Variants in MDFIC observed in about 807,000 individuals in gnomAD.
MDFIC encodes the protein myoD family inhibitor domain-containing protein.
In MDFIC, 17 loss-of-function variants were observed where a neutral mutation model predicts 23.2. The observed-to-expected ratio is 0.73, with a 90% CI of 0.50 to 1.10. The LOEUF is 1.10. Among genes scored for constraint, MDFIC ranks in the 50% least tolerant of loss-of-function variants. The probability of loss-of-function intolerance (pLI) is 0.00; values close to 1 mark genes in which losing one functional copy is unlikely to be tolerated. For missense variants in MDFIC, 356 were observed against 316.6 expected, an observed-to-expected ratio of 1.12 and a Z score of -0.95; for synonymous variants, 120 against 115.2, an observed-to-expected ratio of 1.04 and a Z score of -0.27.
intron 4 of MDFIC, among the ~76,000 whole-genome samples, chr7:115,009,966 A>T (rs1195561225): frequency 6.6e-6 from 1 of 152,152 alleles, no homozygotes; most frequent in Non-Finnish European, 1.5e-5. Context: ...CCAGTTTTGG[A>T]CAGGCATCTT....
chr7:114,951,866 C>G (rs1316045843), intron 3 of MDFIC, among the ~76,000 whole-genome samples: 1 of 152,078 alleles, frequency 6.6e-6, no homozygotes, highest in South Asian at 2.1e-4. Flanking sequence ...GAGATAGAAC[C>G]AGCTACATGA....
Position 114,922,922 on chromosome 7 carries a change from G to C in MDFIC, c.-107-5G>C. The C allele has an allele frequency of 6.3e-7, 1 of 1,584,668 alleles. No homozygotes were observed. The highest frequency in any genetic ancestry group is 2.4e-5 in the East Asian group (1 of 42,204). ...TTTTTTTAATTTTGTATATTTTTCC[G>C]CCAGAAGCAGTCAGTTCCCTGCACC... On this transcript the variant is annotated splice_region_variant and splice_polypyrimidine_tract_variant and intron_variant, in intron 1 of 4. Transcript: ENST00000393486.
chr7:115,002,961 T>C (rs1028466515), intron 4 of MDFIC, among the ~76,000 whole-genome samples: 1 of 152,206 alleles, frequency 6.6e-6, no homozygotes, highest in Non-Finnish European at 1.5e-5. Flanking sequence ...TACAAATAGA[T>C]GTCTTGGAAA....
At chr7:114,951,743 A>G (rs901093993) in intron 3 of MDFIC, among the ~76,000 whole-genome samples, 1 of 152,200 alleles carries the variant, frequency 6.6e-6, no homozygotes, top group East Asian at 1.9e-4. Flanking sequence ...GATATGGCAA[A>G]ATATCAGGGT....
chr7:114,931,145 A>G (rs1792300997), intron 2 of MDFIC, among the ~76,000 whole-genome samples: 1 of 152,112 alleles, frequency 6.6e-6, no homozygotes, highest in South Asian at 2.1e-4. Flanking sequence ...TACTTTTTAC[A>G]TTAGCCTACA....
At chr7:115,015,621 T>C (rs1791779282) in intron 4 of MDFIC, 67 bp from the exon 5 acceptor site, 1 of 1,557,758 alleles carries the variant, frequency 6.4e-7, no homozygotes, top group African/African-American at 1.4e-5. Flanking sequence ...ATTGAGTCAA[T>C]TGATAACACG....
rs1793384426 is a variant in MDFIC at position 114,979,684 on chromosome 7, T to C, written c.396T>C (p.His132=). Residue 132 remains histidine (H), a synonymous_variant, in exon 4 of 5, where the codon CAT becomes CAC. Coordinates refer to ENST00000393486, the MANE Select transcript of MDFIC (RefSeq NM_001166345.3). ...CAGCACCTGTTTCTCAAAAAATGCATAGAAAAATTCAGTCCAGCTTGTCTG... is the reference window on the plus strand; with the variant it reads ...CAGCACCTGTTTCTCAAAAAATGCACAGAAAAATTCAGTCCAGCTTGTCTG... ...KLSAPVSQKM[H]RKIQSSLSVN... 1.2e-6 allele frequency: 2 copies of C among 1,613,914 alleles called. No individual in the cohort carries two copies. The highest frequency in any genetic ancestry group is 1.1e-5 in the South Asian group (1 of 91,086).
intron 3 of MDFIC, among the ~76,000 whole-genome samples, chr7:114,951,807 TTCAGGTTA>T (rs1392802840): frequency 6.6e-6 from 1 of 152,194 alleles, no homozygotes; most frequent in East Asian, 1.9e-4. Flanking sequence ...TAGAAGATAC[TTCAGGTTA>T]TAGGTGGACC....
intron 4 of MDFIC, among the ~76,000 whole-genome samples, chr7:114,992,045 C>T (rs1213148506): frequency 2.0e-5 from 3 of 152,294 alleles, no homozygotes; most frequent in African/African-American, 7.2e-5. Context: ...GTTTGTAGTT[C>T]TCCTTGAAGA....
chr7:114,977,102 T>C (rs1793331183), intron 3 of MDFIC, among the ~76,000 whole-genome samples: 1 of 152,212 alleles, frequency 6.6e-6, no homozygotes, highest in African/African-American at 2.4e-5. Flanking sequence ...TATAGCACAG[T>C]AAAATTTTCA....
intron 3 of MDFIC, among the ~76,000 whole-genome samples, chr7:114,950,387 C>T (rs1009009569): frequency 4.6e-5 from 7 of 152,050 alleles, no homozygotes; most frequent in Admixed American, 1.3e-4. Context: ...GATGAAATGA[C>T]GGTGGAGCAA....
chr7:114,989,518 G>C (rs909111402), intron 4 of MDFIC, among the ~76,000 whole-genome samples: 4 of 151,930 alleles, frequency 2.6e-5, no homozygotes, highest in African/African-American at 7.3e-5. Context: ...AGGAACATTT[G>C]AAGATATGAG....
chr7:115,008,865 T>A (rs1791624137), intron 4 of MDFIC, among the ~76,000 whole-genome samples: 1 of 152,184 alleles, frequency 6.6e-6, no homozygotes, highest in South Asian at 2.1e-4. Context: ...AAGCAGTATC[T>A]AGGAAGAGGA....
intron 3 of MDFIC, among the ~76,000 whole-genome samples, chr7:114,960,069 A>G (rs1792957270): frequency 6.6e-6 from 1 of 152,160 alleles, no homozygotes; most frequent in Non-Finnish European, 1.5e-5. Context: ...AAACTCATTC[A>G]CTGTGGGACA....
intron 4 of MDFIC, among the ~76,000 whole-genome samples, chr7:115,004,543 CACTGTATTGTA>C (rs1294639105): frequency 6.6e-6 from 1 of 152,244 alleles, no homozygotes; most frequent in Non-Finnish European, 1.5e-5. Context: ...ACAGTTATGG[CACTGTATTGTA>C]ACTATATTTT....
intron 4 of MDFIC, among the ~76,000 whole-genome samples, chr7:115,010,422 T>C (rs976326656): frequency 3.3e-5 from 5 of 152,280 alleles, no homozygotes; most frequent in African/African-American, 1.2e-4. Context: ...AACAATCAGA[T>C]CATTTAAAGA....
intron 4 of MDFIC, among the ~76,000 whole-genome samples, chr7:114,985,971 C>T (rs923948590): frequency 6.6e-6 from 1 of 150,808 alleles, no homozygotes. Context: ...GCTTTCTCAC[C>T]TGTAGCCAAT....
intron 3 of MDFIC, among the ~76,000 whole-genome samples, chr7:114,957,084 A>C (rs1563141999): frequency 6.6e-6 from 1 of 152,144 alleles, no homozygotes; most frequent in African/African-American, 2.4e-5. Context: ...GCTTTATAAT[A>C]TTACAAAAGA....
chr7:114,980,879 A>G (rs1203180238), intron 4 of MDFIC, among the ~76,000 whole-genome samples: 1 of 152,198 alleles, frequency 6.6e-6, no homozygotes. Flanking sequence ...AGGATATTGC[A>G]TTTTGGCTAC....
Sources: allele counts gnomAD v4.1 joint callset (sites outside exome capture counted in the v4.1 genomes callset), GRCh38; gene constraint gnomAD v4.1.1; transcripts MANE v1.5; gene names NCBI Gene and HGNC (gene_info 2026-07-23, HGNC 2026-07-21).